The following COQ8A variants were observed in gnomAD, a reference collection of about 807,000 sequenced individuals.
COQ8A encodes atypical kinase COQ8A, mitochondrial.
In COQ8A, 51 loss-of-function variants were observed where a neutral mutation model predicts 65.0. The observed-to-expected ratio is 0.78, with a 90% CI of 0.63 to 0.99. The LOEUF (loss-of-function observed/expected upper bound fraction) is 0.99, where lower values mean the gene tolerates loss of function less well. Ranked by LOEUF, COQ8A falls within the 50% of genes least tolerant of loss-of-function variation. COQ8A has a pLI of 0.00. For synonymous variants in COQ8A, 371 were observed against 353.2 expected (o/e 1.05, Z -0.57); for missense variants, 940 against 875.0 (o/e 1.07, Z -0.94).
intron 14 of COQ8A, among the ~76,000 whole-genome samples, chr1:226,985,873 G>GC (rs1219534031): frequency 2.6e-5 from 4 of 152,162 alleles, no homozygotes; most frequent in Non-Finnish European, 2.9e-5. Flanking sequence ...GTATCTCTGA[G>GC]CCCCCCTTAT....
intron 1 of COQ8A, among the ~76,000 whole-genome samples, chr1:226,956,316 T>A (rs1294032039): frequency 2.8e-5 from 2 of 72,122 alleles, no homozygotes; most frequent in East Asian, 5.0e-4. Context: ...TCCCTGGCTC[T>A]CACTCTCCCT....
intron 4 of COQ8A, among the ~76,000 whole-genome samples, chr1:226,977,030 C>A (rs1404588123): frequency 6.6e-6 from 1 of 152,184 alleles, no homozygotes; most frequent in Non-Finnish European, 1.5e-5. Flanking sequence ...GCTCTTCAGA[C>A]AGACCTGAAG....
chr1:226,960,224 ATGGTACTTGGTGG>A (rs1336544548), intron 1 of COQ8A, among the ~76,000 whole-genome samples: 6 of 45,446 alleles, frequency 1.3e-4, no homozygotes, highest in Admixed American at 2.3e-4. Context: ...GGTGGTGGTG[ATGGTACTTGGTGG>A]TGGTGGTCCT....
rs768499518 is a variant in COQ8A at position 226,983,803 on chromosome 1, T to C, written c.1205T>C (p.Leu402Pro). 1.2e-6 allele frequency: 2 copies of C among 1,612,576 alleles called. No homozygotes were observed. Among genetic ancestry groups the C allele is most frequent in the Non-Finnish European group, 1.7e-6 (2 of 1,179,978 alleles). Residue 402 changes from leucine to proline, a missense_variant, in exon 10 of 15, where the codon CTG becomes CCG. Coordinates refer to ENST00000366777, the MANE Select transcript of COQ8A (RefSeq NM_020247.5). ...EHLIDVLRRE[L>P]ALECDYQREA... ...CTGATCGACGTGCTGAGGCGGGAGC[T>C]GGCCCTGGAGTGTGACTACCAGCGA...
chr1:226,984,714 C>T lies in COQ8A; in HGVS notation c.1506+59C>T, dbSNP rs544377423. 55 of 1,543,088 alleles carry T rather than the reference C, an allele frequency of 3.6e-5. No individual in the cohort carries two copies. In the South Asian group the frequency reaches 3.7e-4, roughly 10 times the overall value. Reference sequence around the variant, plus strand: ...CCTGAGAGCTTCTCCGAATGGGGCACGTGAGGCCCTGGACTGCCCCTTGTC... The same window carrying T: ...CCTGAGAGCTTCTCCGAATGGGGCATGTGAGGCCCTGGACTGCCCCTTGTC... On this transcript the variant is annotated intron_variant, in intron 12 of 14. Transcript: ENST00000366777.
intron 1 of COQ8A, among the ~76,000 whole-genome samples, chr1:226,947,481 A>G (rs1266362619): frequency 2.0e-5 from 3 of 152,176 alleles, no homozygotes; most frequent in Non-Finnish European, 4.4e-5. Context: ...GAGATATTAA[A>G]CCTGAAGTAA....
At chr1:226,975,118 T>A (rs1659115510) in intron 4 of COQ8A, 1 of 152,250 alleles carries the variant, frequency 6.6e-6, no homozygotes, top group African/African-American at 2.4e-5. Context: ...CTGTCTCCGT[T>A]TATTTCGCTA....
rs1018553042 is a variant in COQ8A, at chr1:226,977,350, A to G, written c.656-99A>G. 72 of 1,142,012 alleles carry G rather than the reference A, an allele frequency of 6.3e-5. No homozygotes were observed. The African/African-American group carries it at 1.1e-3, about 17-fold the overall frequency. The allele number at this position is 1,142,012 out of a possible 1,614,324, so 70.7% of individuals were successfully genotyped here. A position where few individuals can be genotyped will look rare whatever the true frequency, so the allele number is the denominator to read the frequency against. On this transcript the variant is annotated intron_variant, in intron 4 of 14. Coordinates refer to ENST00000366777, the MANE Select transcript of COQ8A (RefSeq NM_020247.5). Reference sequence around the variant, plus strand: ...TGTGGCAGCGAGGGCCCCTGGTGCAAGCGGTGTCTGTGTGGTGCTGCCCCA... The same window carrying G: ...TGTGGCAGCGAGGGCCCCTGGTGCAGGCGGTGTCTGTGTGGTGCTGCCCCA...
intron 4 of COQ8A, among the ~76,000 whole-genome samples, chr1:226,973,184 C>A (rs1658998921): frequency 6.6e-6 from 1 of 152,244 alleles, no homozygotes; most frequent in Admixed American, 6.5e-5. Flanking sequence ...TCCTGCAGTG[C>A]CAGTGCTCTT....
At chr1:226,955,737 C>A (rs1657681678) in intron 1 of COQ8A, among the ~76,000 whole-genome samples, 1 of 138,106 alleles carries the variant, frequency 7.2e-6, no homozygotes. Flanking sequence ...CTGGCTCCCA[C>A]TCTCCCTGGT....
rs531831053 is a variant in COQ8A, at chr1:226,964,932, A to G, written c.178-68A>G. 7.0e-6 allele frequency: 11 copies of G among 1,571,548 alleles called. No individual in the cohort carries two copies. The African/African-American group carries it at 1.2e-4, about 17-fold the overall frequency. The stretch of plus-strand genomic sequence containing the variant: ...CTGGTGGTGTGCTGTCCTGGGCAGC[A>G]GGGGACAGGCAGGGAGGAGCTCCTG... On this transcript the variant is annotated intron_variant, in intron 2 of 14. Transcript: ENST00000366777.
At chr1:226,950,884 G>A (rs1375207134) in intron 1 of COQ8A, among the ~76,000 whole-genome samples, 1 of 152,154 alleles carries the variant, frequency 6.6e-6, no homozygotes, top group Non-Finnish European at 1.5e-5. Context: ...CAGTAGTCTG[G>A]GAGCAACTTT....
chr1:226,945,179 C>G (rs967044372), intron 1 of COQ8A, among the ~76,000 whole-genome samples: 10 of 152,218 alleles, frequency 6.6e-5, no homozygotes, highest in Admixed American at 6.5e-4. Flanking sequence ...CCAGGTCAGT[C>G]GCCTCACTTA....
At position 226,969,746 on chromosome 1, in the gene COQ8A, G is replaced by A. The variant is rs143538488; in HGVS notation, c.655+4009G>A. ...TATGTTTAATGCATATCTATGAGCAGCATATATAGTTGGTTTTTTGTGTGT... is the reference window on the plus strand; with the variant it reads ...TATGTTTAATGCATATCTATGAGCAACATATATAGTTGGTTTTTTGTGTGT... On this transcript the variant is annotated intron_variant, in intron 4 of 14. Transcript: ENST00000366777. Among the ~76,000 whole-genome samples, 30 of 151,992 alleles carry A rather than the reference G, an allele frequency of 2.0e-4. No individual in the cohort carries two copies. The East Asian group carries it at 5.6e-3, about 28-fold the overall frequency.
Position 226,949,925 on chromosome 1 carries a change from A to G in COQ8A, c.-10+9526A>G, listed in dbSNP as rs1657270634. ...ACACTAGCAAGTCAGTGGCAGAGTC[A>G]TGATGTGAACCCAGATCACCTAACC... On this transcript the variant is annotated intron_variant, in intron 1 of 14. Coordinates refer to ENST00000366777, the MANE Select transcript of COQ8A (RefSeq NM_020247.5). The surrounding 1 kb of genome is among the most constrained non-coding windows in gnomAD (Gnocchi z 4.0). Among the ~76,000 whole-genome samples the G allele has an allele frequency of 6.6e-6, 1 of 152,264 alleles. No homozygotes were observed. The highest frequency in any genetic ancestry group is 1.5e-5 in the Non-Finnish European group (1 of 68,050).
chr1:226,981,938 T>C (rs1659720067), intron 5 of COQ8A, 89 bp from the exon 6 acceptor site: 2 of 1,584,378 alleles, frequency 1.3e-6, no homozygotes, highest in East Asian at 4.5e-5. Context: ...AAGGACATTG[T>C]CTGAGCCTCC....
chr1:226,976,359 C>G (rs1321767035), intron 4 of COQ8A, among the ~76,000 whole-genome samples: 1 of 146,338 alleles, frequency 6.8e-6, no homozygotes, highest in South Asian at 2.2e-4. Flanking sequence ...TGTGGGACTG[C>G]GATGTTGCCT....
Position 226,948,586 on chromosome 1 carries a change from C to T in COQ8A, c.-10+8187C>T, listed in dbSNP as rs115789693. ...GAAAGAAACGTTGAAAGAAACCCTTCAACCTCAACTTTAGGATCCTTAATT... is the reference window on the plus strand; with the variant it reads ...GAAAGAAACGTTGAAAGAAACCCTTTAACCTCAACTTTAGGATCCTTAATT... On this transcript the variant is annotated intron_variant, in intron 1 of 14. Coordinates refer to ENST00000366777, the MANE Select transcript of COQ8A (RefSeq NM_020247.5). Among the ~76,000 whole-genome samples the T allele has an allele frequency of 3.7e-3, 559 of 152,232 alleles. 3 individuals are homozygous for T. Among genetic ancestry groups the T allele is most frequent in the African/African-American group, 0.013 (539 of 41,474 alleles).
At chr1:226,960,421 T>TTGGTGATGGTACTTGG in intron 1 of COQ8A, among the ~76,000 whole-genome samples, 1 of 135,902 alleles carries the variant, frequency 7.4e-6, no homozygotes, top group Non-Finnish European at 1.6e-5. Context: ...GCGGTGGTAC[T>TTGGTGATGGTACTTGG]TGGTGGTGGT....
Sources: gnomAD v4.1 joint callset for allele counts (sites outside exome capture counted in the v4.1 genomes callset) on GRCh38, gnomAD v4.1.1 for gene constraint, Gnocchi (gnomAD v3.1) non-coding constraint, MANE v1.5 for transcripts, NCBI Gene and HGNC (gene_info 2026-07-23, HGNC 2026-07-21) for gene names.